Variants in RIIAD1 observed in about 807,000 individuals in gnomAD.
RIIAD1 encodes the protein regulatory subunit of type II PKA R-subunit domain containing 1.
A neutral mutation model predicts 13.3 loss-of-function variants in RIIAD1; 15 were observed. The ratio of observed to expected loss-of-function variants is 1.13; its 90% CI spans 0.76 to 1.74. RIIAD1 has a LOEUF of 1.74. RIIAD1 is among the 40% of genes most tolerant of loss of function. The pLI, the probability that RIIAD1 is intolerant of heterozygous loss-of-function variation, is 0.00. For missense variants in RIIAD1, 121 were observed against 112.2 expected (o/e 1.08, Z -0.35); for synonymous variants, 50 against 43.3 (o/e 1.16, Z -0.61).
chr1:151,714,713 G>C (rs760150868), intron 4 of RIIAD1: 2 of 1,419,128 alleles, frequency 1.4e-6, no homozygotes, highest in Non-Finnish European at 1.9e-6. Flanking sequence ...ACGGCGGGGG[G>C]TGAGTCCTCC....
upstream of RIIAD1, chr1:151,716,792 TC>T: frequency 2.2e-6 from 1 of 463,478 alleles, no homozygotes; most frequent in Non-Finnish European, 4.4e-6. Flanking sequence ...CGCGCTCTCC[TC>T]AACAAAAACC....
At chr1:151,717,668 T>G (rs544701754), upstream of RIIAD1, among the ~76,000 whole-genome samples, 55 of 152,222 alleles carry the variant, frequency 3.6e-4, no homozygotes, top group Non-Finnish European at 6.2e-4. Flanking sequence ...ATTCCTTCAG[T>G]GGGAAGAACC....
At chr1:151,713,352 G>A (rs1370211024) in intron 2 of RIIAD1, 1 of 152,252 alleles carries the variant, frequency 6.6e-6, no homozygotes, top group East Asian at 1.9e-4. Context: ...GTGGACACCT[G>A]CAGCTGGTAC....
At chr1:151,716,116 G>A in intron 4 of RIIAD1, 1 of 1,325,184 alleles carries the variant, frequency 7.5e-7, no homozygotes, top group Non-Finnish European at 1.0e-6. Context: ...GGGCCCGGGG[G>A]CCCAGCTGGG....
exon 4 of RIIAD1, chr1:151,714,528 T>A: frequency 8.7e-7 from 1 of 1,144,284 alleles, no homozygotes; most frequent in South Asian, 1.3e-5. Flanking sequence ...GTCAGGAGGG[T>A]GGTGAGCCTC....
At chr1:151,725,666 C>T (rs545802757) in intron 2 of RIIAD1, among the ~76,000 whole-genome samples, 2 of 152,126 alleles carry the variant, frequency 1.3e-5, no homozygotes, top group South Asian at 2.1e-4. Context: ...ATTTATTGTG[C>T]GCTTTTGTAT....
At chr1:151,722,719 G>A (rs1266468586) in intron 2 of RIIAD1, among the ~76,000 whole-genome samples, 1 of 152,158 alleles carries the variant, frequency 6.6e-6, no homozygotes, top group African/African-American at 2.4e-5. Flanking sequence ...TAATTATAAT[G>A]GCACCCATCT....
chr1:151,712,934 C>A (rs1235043177), intron 2 of RIIAD1, among the ~76,000 whole-genome samples: 1 of 152,024 alleles, frequency 6.6e-6, no homozygotes, highest in African/African-American at 2.4e-5. Context: ...TGCACACACA[C>A]ACTGCATGCA....
At chr1:151,723,656 C>A (rs557875259) in intron 2 of RIIAD1, among the ~76,000 whole-genome samples, 1 of 152,214 alleles carries the variant, frequency 6.6e-6, no homozygotes, top group East Asian at 1.9e-4. Flanking sequence ...GCCGAGATTG[C>A]GCCACTGCAC....
chr1:151,728,110 C>T (rs372472409), intron 3 of RIIAD1, among the ~76,000 whole-genome samples: 19 of 152,198 alleles, frequency 1.2e-4, no homozygotes, highest in African/African-American at 4.3e-4. Flanking sequence ...ATGGATTGGA[C>T]GATTTCTTGG....
chr1:151,719,669 G>C, upstream of RIIAD1: 1 of 702,864 alleles, frequency 1.4e-6, no homozygotes. Flanking sequence ...CCCTCAAGTG[G>C]CTTCCACCTC....
At chr1:151,721,427 C>T, upstream of RIIAD1, 1 of 536,520 alleles carries the variant, frequency 1.9e-6, no homozygotes, top group Non-Finnish European at 2.9e-6. Flanking sequence ...CCCTCAGTTC[C>T]CTCAGCCCCT....
chr1:151,719,399 G>A (rs1278117118), upstream of RIIAD1, among the ~76,000 whole-genome samples: 1 of 152,104 alleles, frequency 6.6e-6, no homozygotes, highest in Non-Finnish European at 1.5e-5. Flanking sequence ...TTATTCCTCT[G>A]CAGTCAAAGC....
chr1:151,715,677 G>T (rs1673419917), intron 4 of RIIAD1: 2 of 1,525,068 alleles, frequency 1.3e-6, no homozygotes, highest in Non-Finnish European at 8.8e-7. Flanking sequence ...GCCAAAAGAG[G>T]CCCTCCTTAG....
At chr1:151,723,447 C>T (rs1184048664) in intron 2 of RIIAD1, among the ~76,000 whole-genome samples, 1 of 151,992 alleles carries the variant, frequency 6.6e-6, no homozygotes. Context: ...CGCCTGTGAT[C>T]CCAGCACTTT....
At chr1:151,716,220 G>A (rs1392951932) in intron 4 of RIIAD1, 9 of 541,824 alleles carry the variant, frequency 1.7e-5, no homozygotes, top group Admixed American at 9.8e-5. Flanking sequence ...TAGGGGTCAG[G>A]GGTCTAGGCA....
intron 4 of RIIAD1, among the ~76,000 whole-genome samples, chr1:151,715,161 C>A (rs769756392): frequency 6.6e-6 from 1 of 152,134 alleles, no homozygotes; most frequent in South Asian, 2.1e-4. Flanking sequence ...GTTAGTTAGC[C>A]GGAAGTGCCT....
upstream of RIIAD1, among the ~76,000 whole-genome samples, chr1:151,719,924 T>C (rs1673706093): frequency 6.6e-6 from 1 of 152,174 alleles, no homozygotes; most frequent in Non-Finnish European, 1.5e-5. Context: ...TGTTTGAGTG[T>C]GTAGGTTTGC....
At chr1:151,714,538 C>A (rs750785391) in intron 4 of RIIAD1, 49 of 1,341,080 alleles carry the variant, frequency 3.7e-5, no homozygotes, top group Non-Finnish European at 5.0e-5. Context: ...TGGTGAGCCT[C>A]CTGCCACTTC....
Sources: gnomAD v4.1 joint callset for allele counts (sites outside exome capture counted in the v4.1 genomes callset) on GRCh38, gnomAD v4.1.1 for gene constraint, MANE v1.5 for transcripts, NCBI Gene and HGNC (gene_info 2026-07-23, HGNC 2026-07-21) for gene names.